ADRA1B: variants seen among roughly 807,000 people sequenced by gnomAD.
ADRA1B encodes the protein adrenoceptor alpha 1B.
A neutral mutation model predicts 17.9 loss-of-function variants in ADRA1B; 17 were observed. The observed-to-expected ratio is 0.95, with a 90% CI of 0.65 to 1.42. ADRA1B has a LOEUF of 1.42. Among genes scored for constraint, ADRA1B ranks in the 40% most tolerant of loss-of-function variants. The pLI, the probability that ADRA1B is intolerant of heterozygous loss-of-function variation, is 0.00. For synonymous variants in ADRA1B, 366 were observed against 327.6 expected (o/e 1.12, Z -1.27); for missense variants, 681 against 722.1 (o/e 0.94, Z 0.65).
In ADRA1B at chr5:159,972,068, G is replaced by C; in HGVS notation, c.1139G>C (p.Arg380Pro). ...CGCCGCCGACGCCGCCGCCGCCGTC[G>C]CCTGGGCGGCTGCGCCTACACCTAC... ...RGRRRRRRRR[R>P]LGGCAYTYRP... The change falls in exon 2 of 2, where the codon CGC becomes CCC. Residue 380 changes from arginine (R) to proline (P), a missense_variant. Arg to Pro is a moderately radical substitution (Grantham distance 103, BLOSUM62 -2). Around this residue, in one of 3 missense-constraint regions of ADRA1B, gnomAD observed 251 missense variants for 224.9 expected, o/e 1.12. Coordinates refer to ENST00000306675, the MANE Select transcript of ADRA1B (RefSeq NM_000679.4). 4 of 1,301,242 alleles carry C rather than the reference G, an allele frequency of 3.1e-6. No individual in the cohort carries two copies. Among genetic ancestry groups the C allele is most frequent in the Non-Finnish European group, 3.9e-6 (4 of 1,025,436 alleles). 80.6% of individuals were successfully genotyped at this position (1,301,242 alleles called of 1,614,324 possible).
rs1314774396 is a variant in ADRA1B at position 159,916,697 on chromosome 5, C to T, written c.-209C>T. 3.5e-6 allele frequency: 2 copies of T among 564,772 alleles called. No individual in the cohort carries two copies. Among genetic ancestry groups the T allele is most frequent in the Non-Finnish European group, 6.2e-6 (2 of 321,008 alleles). 35.0% of individuals were successfully genotyped at this position (564,772 alleles called of 1,614,324 possible). ...TGCCGCCTCGTCCCCTCTCCTCCTC[C>T]TCCTCCCTCTGACAGGCGAGCGAGC... On this transcript the variant is annotated 5_prime_UTR_variant, in exon 1 of 2. Coordinates refer to ENST00000306675, the MANE Select transcript of ADRA1B (RefSeq NM_000679.4).
At chr5:159,889,006 A>C (rs1308243408) in intron 1 of ADRA1B, among the ~76,000 whole-genome samples, 1 of 152,190 alleles carries the variant, frequency 6.6e-6, no homozygotes, top group East Asian at 1.9e-4. Context: ...GCTAGTACTG[A>C]GCTTCTATGA....
At position 159,946,520 on chromosome 5, in the gene ADRA1B, G is replaced by T. The variant is rs571220592; in HGVS notation, c.950-25359G>T. ...TCCATCTCTGGCATTCCAAGTGTGT[G>T]TCTGTCACATGTTTTGCCAGAATGA... On this transcript the variant is annotated intron_variant, in intron 1 of 1. Transcript: ENST00000306675. Among the ~76,000 whole-genome samples, 10 of 152,318 alleles carry T rather than the reference G, an allele frequency of 6.6e-5. No homozygotes were observed. The East Asian group carries it at 1.9e-3, about 29-fold the overall frequency.
In ADRA1B at chr5:159,969,959, A is replaced by G. The variant is rs1337283780; in HGVS notation, c.950-1920A>G. ...TTAAAAAAAAAACACATTTTTATTCAAATAGAATTTAGTCTAAATCCCAGA... is the reference window on the plus strand; with the variant it reads ...TTAAAAAAAAAACACATTTTTATTCGAATAGAATTTAGTCTAAATCCCAGA... On this transcript the variant is annotated intron_variant, in intron 1 of 1. Transcript: ENST00000306675. 7.2e-5 allele frequency among the ~76,000 whole-genome samples: 11 copies of G among 152,116 alleles called. No individual in the cohort carries two copies. In the East Asian group the frequency reaches 2.1e-3, roughly 29 times the overall value.
intron 1 of ADRA1B, among the ~76,000 whole-genome samples, chr5:159,899,136 G>A (rs1294662597): frequency 2.7e-5 from 4 of 150,590 alleles, no homozygotes; most frequent in African/African-American, 2.5e-5. Context: ...GACAAAGTGA[G>A]ACCCTGTCAG....
chr5:159,932,015 TTC>T (rs1754819476), intron 1 of ADRA1B, among the ~76,000 whole-genome samples: 1 of 152,258 alleles, frequency 6.6e-6, no homozygotes, highest in South Asian at 2.1e-4. Flanking sequence ...TTGCAGAATT[TTC>T]TGTGTGTGTT....
chr5:159,955,834 T>G (rs1755541305), intron 1 of ADRA1B, among the ~76,000 whole-genome samples: 2 of 152,220 alleles, frequency 1.3e-5, no homozygotes, highest in African/African-American at 4.8e-5. Context: ...ATGACCCAGC[T>G]TGAAGGTCTA....
intron 1 of ADRA1B, among the ~76,000 whole-genome samples, chr5:159,936,481 T>C (rs1289256423): frequency 6.6e-6 from 1 of 152,232 alleles, no homozygotes; most frequent in Non-Finnish European, 1.5e-5. Context: ...TTTTTCTGCA[T>C]GTCTGAGGAT....
chr5:159,932,977 T>G (rs1754857056), intron 1 of ADRA1B, among the ~76,000 whole-genome samples: 1 of 152,254 alleles, frequency 6.6e-6, no homozygotes, highest in Non-Finnish European at 1.5e-5. Flanking sequence ...TGAGTAAATA[T>G]ATCTGTAAAA....
At chr5:159,970,273 AT>A (rs1436049632) in intron 1 of ADRA1B, among the ~76,000 whole-genome samples, 2 of 151,998 alleles carry the variant, frequency 1.3e-5, no homozygotes, top group Non-Finnish European at 2.9e-5. Context: ...GTTTTTGTTA[AT>A]TTGAATGTGT....
At chr5:159,883,751 T>C (rs1362238529) in intron 1 of ADRA1B, among the ~76,000 whole-genome samples, 1 of 152,240 alleles carries the variant, frequency 6.6e-6, no homozygotes. Flanking sequence ...AAGAGGGTGA[T>C]GAACATCTTA....
chr5:159,962,674 T>C (rs1220889487), intron 1 of ADRA1B, among the ~76,000 whole-genome samples: 15 of 146,818 alleles, frequency 1.0e-4, no homozygotes, highest in Admixed American at 4.7e-4. Context: ...TTCAGCTTTT[T>C]TTTTTTTTTT....
At chr5:159,964,835 C>T (rs72643435) in intron 1 of ADRA1B, among the ~76,000 whole-genome samples, 21,679 of 152,192 alleles carry the variant, frequency 0.14, 1,645 homozygotes, top group East Asian at 0.21. Flanking sequence ...GTGGTAACAG[C>T]GGTGCTGGCA....
intron 1 of ADRA1B, among the ~76,000 whole-genome samples, chr5:159,880,207 C>T (rs1753849058): frequency 6.6e-6 from 1 of 152,064 alleles, no homozygotes. Context: ...ACTACAATTG[C>T]TTAAAGCAAA....
intron 1 of ADRA1B, among the ~76,000 whole-genome samples, chr5:159,965,874 AGAGCAATG>A (rs1343152353): frequency 1.3e-5 from 2 of 152,138 alleles, no homozygotes; most frequent in Non-Finnish European, 2.9e-5. Flanking sequence ...ACCAGGCTGT[AGAGCAATG>A]GAGCGATCTC....
At chr5:159,970,637 C>T (rs964689251) in intron 1 of ADRA1B, among the ~76,000 whole-genome samples, 1 of 152,142 alleles carries the variant, frequency 6.6e-6, no homozygotes, top group Non-Finnish European at 1.5e-5. Flanking sequence ...TATACTTAGA[C>T]CAAGTGCTAG....
At chr5:159,965,261 A>C (rs996058946) in intron 1 of ADRA1B, among the ~76,000 whole-genome samples, 1 of 152,122 alleles carries the variant, frequency 6.6e-6, no homozygotes, top group African/African-American at 2.4e-5. Flanking sequence ...AGGCCTGGCG[A>C]GCCATGATTC....
At chr5:159,947,746 G>T (rs1047205761) in intron 1 of ADRA1B, 49 of 985,314 alleles carry the variant, frequency 5.0e-5, no homozygotes, top group Non-Finnish European at 5.9e-5. Flanking sequence ...ATCCAGGAAA[G>T]AAATGAATGA....
intron 1 of ADRA1B, among the ~76,000 whole-genome samples, chr5:159,881,336 T>TCTCTCTCTCC: frequency 6.6e-6 from 1 of 151,916 alleles, no homozygotes; most frequent in Non-Finnish European, 1.5e-5. Flanking sequence ...TCTCTCTCTC[T>TCTCTCTCTCC]CTCTCTCTCT....
Sources: allele counts gnomAD v4.1 joint callset (sites outside exome capture counted in the v4.1 genomes callset), GRCh38; gene constraint gnomAD v4.1.1; regional missense constraint gnomAD v4.1.1; transcripts MANE v1.5; gene names NCBI Gene and HGNC (gene_info 2026-07-23, HGNC 2026-07-21).